CYP19A1: variants seen among roughly 807,000 people sequenced by gnomAD.
The protein encoded by CYP19A1 is cytochrome P450 family 19 subfamily A member 1.
CYP19A1 carries 32 observed loss-of-function variants against 44.4 expected under a neutral mutation model. The observed-to-expected ratio is 0.72, with a 90% CI of 0.54 to 0.97. The LOEUF (loss-of-function observed/expected upper bound fraction) is 0.97. Ranked by LOEUF, CYP19A1 falls within the 50% of genes least tolerant of loss-of-function variation. The pLI is 0.00. For missense variants in CYP19A1, 598 were observed against 637.8 expected (o/e 0.94, Z 0.67); for synonymous variants, 212 against 215.6 (o/e 0.98, Z 0.14).
intron 1 of CYP19A1, among the ~76,000 whole-genome samples, chr15:51,296,486 T>G (rs949500601): frequency 6.6e-6 from 1 of 152,158 alleles, no homozygotes; most frequent in African/African-American, 2.4e-5. Context: ...CAGAAGGCAC[T>G]GGCACCTCTA....
chr15:51,210,728 G>T lies in CYP19A1; in HGVS notation c.*80C>A. On this transcript the variant is annotated 3_prime_UTR_variant, in exon 10 of 10. Coordinates refer to ENST00000396402, the MANE Select transcript of CYP19A1 (RefSeq NM_000103.4). Reference sequence around the variant, plus strand: ...GCCACTGAGTGTTCACTGTGAGGATGACACTATTGGCAAGGATGGATGATT... The same window carrying T: ...GCCACTGAGTGTTCACTGTGAGGATTACACTATTGGCAAGGATGGATGATT... 1 of 932,340 alleles carries T rather than the reference G, an allele frequency of 1.1e-6. No homozygotes were observed. Among genetic ancestry groups the T allele is most frequent in the East Asian group, 2.4e-5 (1 of 41,884 alleles). The allele number at this position is 932,340 out of a possible 1,614,324, so 57.8% of individuals were successfully genotyped here.
At chr15:51,224,016 A>T in intron 4 of CYP19A1, among the ~76,000 whole-genome samples, 1 of 152,192 alleles carries the variant, frequency 6.6e-6, no homozygotes, top group East Asian at 1.9e-4. Flanking sequence ...TGTAGATATG[A>T]TTTAATTTTT....
intron 5 of CYP19A1, chr15:51,221,973 A>G (rs964466072): frequency 2.9e-6 from 1 of 348,314 alleles, no homozygotes. Flanking sequence ...ATGTATGTAT[A>G]TATGTATGTA....
intron 1 of CYP19A1, among the ~76,000 whole-genome samples, chr15:51,316,752 AG>A (rs1444178247): frequency 1.3e-5 from 2 of 152,000 alleles, no homozygotes; most frequent in Non-Finnish European, 2.9e-5. Flanking sequence ...GAAAGAAAGA[AG>A]GAATGGCAAT....
intron 1 of CYP19A1, chr15:51,318,426 G>A (rs2036468107): frequency 6.6e-6 from 1 of 152,194 alleles, no homozygotes; most frequent in African/African-American, 2.4e-5. Flanking sequence ...AGACTCCAAG[G>A]ACTTACCTGG....
At chr15:51,293,694 T>C (rs544792934) in intron 1 of CYP19A1, 185 of 157,312 alleles carry the variant, frequency 1.2e-3, no homozygotes, top group African/African-American at 4.1e-3. Flanking sequence ...GTGCCTGCGA[T>C]TGCAGGCGCG....
intron 3 of CYP19A1, 94 bp from the exon 4 acceptor site, chr15:51,228,027 C>A: frequency 1.3e-6 from 1 of 776,512 alleles, no homozygotes; most frequent in East Asian, 2.5e-5. Flanking sequence ...TTAGCAAATG[C>A]ATGTTGCTCC....
intron 1 of CYP19A1, among the ~76,000 whole-genome samples, chr15:51,334,762 C>A (rs1440024477): frequency 3.9e-5 from 6 of 152,154 alleles, no homozygotes; most frequent in Admixed American, 3.3e-4. Flanking sequence ...GATGTGGGGA[C>A]CTGAGGGTCC....
intron 1 of CYP19A1, among the ~76,000 whole-genome samples, chr15:51,273,291 T>C (rs1227317271): frequency 6.6e-6 from 1 of 152,130 alleles, no homozygotes; most frequent in African/African-American, 2.4e-5. Context: ...ATATGATCAA[T>C]AGGCAGAATA....
chr15:51,214,423 G>T (rs1432104103), intron 8 of CYP19A1, among the ~76,000 whole-genome samples: 1 of 152,104 alleles, frequency 6.6e-6, no homozygotes, highest in Admixed American at 6.6e-5. Flanking sequence ...GAGAGGAAGG[G>T]GCTAGCATCA....
At chr15:51,314,337 G>A (rs542629743) in intron 1 of CYP19A1, among the ~76,000 whole-genome samples, 2 of 152,214 alleles carry the variant, frequency 1.3e-5, no homozygotes, top group East Asian at 3.9e-4. Flanking sequence ...TTGGGAAAGA[G>A]GGACTTTTTG....
intron 1 of CYP19A1, among the ~76,000 whole-genome samples, chr15:51,324,149 C>T (rs2036571322): frequency 6.6e-6 from 1 of 152,190 alleles, no homozygotes; most frequent in Non-Finnish European, 1.5e-5. Flanking sequence ...AATCAAGCAG[C>T]ACTTGGAATG....
chr15:51,276,124 C>G (rs1057328573), intron 1 of CYP19A1, among the ~76,000 whole-genome samples: 7 of 152,156 alleles, frequency 4.6e-5, no homozygotes, highest in African/African-American at 1.7e-4. Context: ...TATATGCAGG[C>G]ATGTGTGTGA....
At chr15:51,283,098 T>G (rs1035274115) in intron 1 of CYP19A1, among the ~76,000 whole-genome samples, 1 of 152,022 alleles carries the variant, frequency 6.6e-6, no homozygotes, top group Non-Finnish European at 1.5e-5. Flanking sequence ...AAAGGCAGCT[T>G]TTGAGCCATT....
chr15:51,276,816 C>T (rs28757131), intron 1 of CYP19A1, among the ~76,000 whole-genome samples: 39,035 of 152,028 alleles, frequency 0.26, 6,846 homozygotes, highest in African/African-American at 0.49. Context: ...TAAAATCAAA[C>T]GTAATCATAA....
chr15:51,322,855 C>T lies in CYP19A1; in HGVS notation c.-39+15640G>A, dbSNP rs75564497. Among the ~76,000 whole-genome samples, 638 of 152,328 alleles carry T rather than the reference C, an allele frequency of 4.2e-3. 8 individuals are homozygous for T. The highest frequency in any genetic ancestry group is 0.014 in the African/African-American group (596 of 41,572). ...TTTTTCAGCTCCATGAGTCCATAAC[C>T]TGTGATCCCATTAGGAAACAATGCA... On this transcript the variant is annotated intron_variant, in intron 1 of 9. Transcript: ENST00000396402.
chr15:51,252,841 G>A (rs763130006), intron 1 of CYP19A1, among the ~76,000 whole-genome samples: 5 of 152,196 alleles, frequency 3.3e-5, no homozygotes, highest in Non-Finnish European at 4.4e-5. Flanking sequence ...TTGCTCTTAC[G>A]GAGTTAATCT....
chr15:51,321,217 G>T (rs549431769), intron 1 of CYP19A1, among the ~76,000 whole-genome samples: 1 of 152,136 alleles, frequency 6.6e-6, no homozygotes, highest in Non-Finnish European at 1.5e-5. Context: ...ACCCACCAGT[G>T]CCTCTCCATT....
At chr15:51,331,610 G>A (rs982697586) in intron 1 of CYP19A1, among the ~76,000 whole-genome samples, 1 of 152,034 alleles carries the variant, frequency 6.6e-6, no homozygotes. Flanking sequence ...GGACTGGATA[G>A]AATGGGGGCG....
Sources: allele counts gnomAD v4.1 joint callset (sites outside exome capture counted in the v4.1 genomes callset), GRCh38; gene constraint gnomAD v4.1.1; transcripts MANE v1.5; gene names NCBI Gene and HGNC (gene_info 2026-07-23, HGNC 2026-07-21).